Variants in THOC5 observed in about 807,000 individuals in gnomAD.
The protein encoded by THOC5 is THO complex subunit 5, also known as Fms-interacting protein.
THOC5 carries 43 observed loss-of-function variants against 92.9 expected under a neutral mutation model. The ratio of observed to expected loss-of-function variants is 0.46; its 90% CI spans 0.36 to 0.60. The LOEUF is 0.60. Ranked by LOEUF, THOC5 falls within the 20% of genes least tolerant of loss-of-function variation. The pLI, the probability that THOC5 is intolerant of heterozygous loss-of-function variation, is 0.00. For missense variants in THOC5, 659 were observed against 849.4 expected, an observed-to-expected ratio of 0.78 and a Z score of 2.79; for synonymous variants, 296 against 320.1, an observed-to-expected ratio of 0.92 and a Z score of 0.80.
chr22:29,535,198 G>C (rs1457793586), intron 7 of THOC5: 1 of 149,702 alleles, frequency 6.7e-6, no homozygotes, highest in Non-Finnish European at 1.5e-5. Flanking sequence ...GGGAGGCAGA[G>C]GTTGCAGTGA....
In THOC5 at chr22:29,543,476, G is replaced by C; in HGVS notation, c.307C>G (p.Arg103Gly). ...TTCTTCAACCTGATGTGGGCTAATCGGTTAAGCTTCTTTAGAGTCATGAAA... is the reference window on the plus strand; with the variant it reads ...TTCTTCAACCTGATGTGGGCTAATCCGTTAAGCTTCTTTAGAGTCATGAAA... The part of the protein sequence containing the change: ...VHFMTLKKLN[R>G]LAHIRLKKGR... Residue 103 changes from arginine to glycine, a missense_variant, in exon 4 of 20, where the codon CGA becomes GGA. Arg to Gly is a moderately radical substitution (Grantham distance 125). Transcript: ENST00000490103. The C allele has an allele frequency of 6.2e-7, 1 of 1,613,966 alleles. No individual in the cohort carries two copies. Among genetic ancestry groups the C allele is most frequent in the Non-Finnish European group, 8.5e-7 (1 of 1,180,010 alleles).
chr22:29,519,081 T>C lies in THOC5; in HGVS notation c.1414A>G (p.Met472Val). The C allele has an allele frequency of 2.5e-6, 4 of 1,611,882 alleles. No homozygotes were observed. Among genetic ancestry groups the C allele is most frequent in the South Asian group, 1.1e-5 (1 of 90,232 alleles). The change falls in exon 15 of 20, where the codon ATG becomes GTG. Residue 472 changes from methionine to valine, a missense_variant. Transcript: ENST00000490103. ...IADHSLSASHMETTMKLLKTR... is the reference protein window; with the variant it reads ...IADHSLSASHVETTMKLLKTR... The stretch of plus-strand genomic sequence containing the variant: ...TTCAGAAGTTTCATGGTGGTCTCCA[T>C]GTGGCTGGCGCTCAGCGAGTGGTCA...
chr22:29,550,200 T>G (rs1569237988), intron 1 of THOC5, among the ~76,000 whole-genome samples: 1 of 152,192 alleles, frequency 6.6e-6, no homozygotes, highest in Non-Finnish European at 1.5e-5. Context: ...CTACCACCAT[T>G]TCACAGATGA....
rs2063156258 is a variant in THOC5, at chr22:29,508,197, T to C, written c.*260A>G. 7.6e-6 allele frequency: 4 copies of C among 528,082 alleles called. No individual in the cohort carries two copies. The South Asian group carries it at 9.6e-5, about 13-fold the overall frequency. 32.7% of individuals were successfully genotyped at this position (528,082 alleles called of 1,614,324 possible). ...ATCTCTCTGCAGAATTGGAATCTTT[T>C]TCCACTCTGCTTTTATTGGCTGCTG... is the stretch of plus-strand genomic sequence containing the variant. On this transcript the variant is annotated 3_prime_UTR_variant, in exon 20 of 20. Coordinates refer to ENST00000490103, the MANE Select transcript of THOC5 (RefSeq NM_003678.5).
At chr22:29,514,585 G>T (rs1772070804) in intron 17 of THOC5, among the ~76,000 whole-genome samples, 1 of 151,740 alleles carries the variant, frequency 6.6e-6, no homozygotes. Flanking sequence ...CAAAGTGCTG[G>T]GATTACACAC....
chr22:29,526,026 T>C, intron 11 of THOC5, 80 bp from the exon 12 acceptor site: 4 of 419,046 alleles, frequency 9.5e-6, no homozygotes, highest in Non-Finnish European at 1.4e-5. Flanking sequence ...GGTAGTAAGG[T>C]GGGGGGGTCA....
intron 17 of THOC5, among the ~76,000 whole-genome samples, chr22:29,514,269 C>T (rs891836374): frequency 5.9e-5 from 9 of 151,844 alleles, no homozygotes; most frequent in African/African-American, 1.7e-4. Flanking sequence ...TTTAAATTCA[C>T]ACTACAGAAA....
intron 13 of THOC5, 49 bp downstream of exon 13, chr22:29,520,949 G>A: frequency 6.9e-7 from 1 of 1,456,448 alleles, no homozygotes. Context: ...TGAGCCACCA[G>A]AGAAACTCAG....
In THOC5 at chr22:29,527,340, G is replaced by A. The variant is rs116548826; in HGVS notation, c.1066+738C>T. On this transcript the variant is annotated intron_variant, in intron 11 of 19. Transcript: ENST00000490103. ...AGGCTGATGTGGGAAGATCGATTGAGCCCAGGAGGTTGAAGTTGCAGTGAG... is the reference window on the plus strand; with the variant it reads ...AGGCTGATGTGGGAAGATCGATTGAACCCAGGAGGTTGAAGTTGCAGTGAG... Among the ~76,000 whole-genome samples, 508 of 152,240 alleles carry A rather than the reference G, an allele frequency of 3.3e-3. 1 individual carries two copies. Among genetic ancestry groups the A allele is most frequent in the Middle Eastern group, 0.014 (4 of 294 alleles).
At chr22:29,537,724 T>A (rs1285377632) in intron 6 of THOC5, among the ~76,000 whole-genome samples, 1 of 152,000 alleles carries the variant, frequency 6.6e-6, no homozygotes, top group Admixed American at 6.5e-5. Context: ...ACCCCGCTTC[T>A]ACTAAAAATA....
chr22:29,538,347 C>T (rs1023360576), intron 6 of THOC5, among the ~76,000 whole-genome samples: 19 of 152,126 alleles, frequency 1.2e-4, no homozygotes, highest in Non-Finnish European at 7.4e-5. Context: ...TAATTTTGTG[C>T]ATTTTTCTAT....
intron 3 of THOC5, among the ~76,000 whole-genome samples, chr22:29,543,834 A>G (rs1184812598): frequency 6.6e-6 from 1 of 152,210 alleles, no homozygotes; most frequent in African/African-American, 2.4e-5. Context: ...AGATCCCAGC[A>G]ATAGTAACAT....
chr22:29,552,309 T>C (rs1000596640), intron 1 of THOC5, among the ~76,000 whole-genome samples: 3 of 146,278 alleles, frequency 2.1e-5, no homozygotes, highest in Non-Finnish European at 3.0e-5. Context: ...GGAGCACCTC[T>C]TCCCGGACCC....
chr22:29,523,077 AC>A (rs1042218431), intron 12 of THOC5, among the ~76,000 whole-genome samples: 10 of 150,856 alleles, frequency 6.6e-5, no homozygotes, highest in Non-Finnish European at 1.3e-4. Context: ...CCCCATCTCC[AC>A]TAAAAATACA....
At chr22:29,518,913 C>T in intron 15 of THOC5, 93 bp downstream of exon 15, 2 of 849,502 alleles carry the variant, frequency 2.4e-6, no homozygotes, top group Non-Finnish European at 3.8e-6. Context: ...TTGTATTTGT[C>T]ATCAGGATTC....
chr22:29,523,958 G>T (rs188836340), intron 12 of THOC5, among the ~76,000 whole-genome samples: 1 of 152,226 alleles, frequency 6.6e-6, no homozygotes, highest in African/African-American at 2.4e-5. Context: ...TTGAGCAAAG[G>T]CTTCTGGGCT....
At chr22:29,539,121 A>AG (rs2063825188) in intron 6 of THOC5, among the ~76,000 whole-genome samples, 1 of 151,612 alleles carries the variant, frequency 6.6e-6, no homozygotes, top group East Asian at 1.9e-4. Context: ...AAAAAAAAAA[A>AG]AAAAAAAAAA....
At chr22:29,510,994 G>T in intron 19 of THOC5, 112 bp downstream of exon 19, 2 of 1,159,790 alleles carry the variant, frequency 1.7e-6, no homozygotes, top group Non-Finnish European at 2.5e-6. Flanking sequence ...ATAGGCATCG[G>T]CTGCAGGGGA....
intron 19 of THOC5, among the ~76,000 whole-genome samples, chr22:29,508,865 G>A (rs867650741): frequency 2.0e-5 from 3 of 151,642 alleles, no homozygotes; most frequent in African/African-American, 4.8e-5. Flanking sequence ...GCGTGATCTC[G>A]GCTCACTGCA....
Sources: gnomAD v4.1 joint callset for allele counts (sites outside exome capture counted in the v4.1 genomes callset) on GRCh38, gnomAD v4.1.1 for gene constraint, MANE v1.5 for transcripts, NCBI Gene and HGNC (gene_info 2026-07-23, HGNC 2026-07-21) for gene names.